Variants in MALRD1 observed in about 807,000 individuals in gnomAD.
MALRD1 encodes the protein MAM and LDL-receptor class A domain-containing protein 1.
MALRD1 carries 247 observed loss-of-function variants against 242.1 expected under a neutral mutation model. That is an observed-to-expected ratio of 1.02 (90% CI 0.92 to 1.13). The LOEUF (loss-of-function observed/expected upper bound fraction) is 1.13, where lower values mean the gene tolerates loss of function less well. MALRD1 is among the 50% of genes most tolerant of loss of function. MALRD1 has a pLI of 0.00. For missense variants in MALRD1, 2,989 were observed against 2,533.1 expected (o/e 1.18, Z -3.86); for synonymous variants, 995 against 866.6 (o/e 1.15, Z -2.60).
chr10:19,643,617 C>T (rs1196680167), intron 36 of MALRD1, among the ~76,000 whole-genome samples: 1 of 152,038 alleles, frequency 6.6e-6, no homozygotes, highest in Non-Finnish European at 1.5e-5. Flanking sequence ...CTGACTTGAG[C>T]CCCCATACTA....
intron 36 of MALRD1, among the ~76,000 whole-genome samples, chr10:19,616,909 A>T (rs1210497850): frequency 6.6e-6 from 1 of 151,958 alleles, no homozygotes; most frequent in Non-Finnish European, 1.5e-5. Flanking sequence ...TTATTTCTCA[A>T]CATGTCAACA....
intron 19 of MALRD1, among the ~76,000 whole-genome samples, chr10:19,278,195 T>TAA (rs144427605): frequency 4.0e-5 from 6 of 151,794 alleles, no homozygotes; most frequent in African/African-American, 1.2e-4. Flanking sequence ...GTATTTAAAA[T>TAA]AAAAAAAACA....
rs191362398 is a variant in MALRD1 at position 19,317,024 on chromosome 10, C to T, written c.3420-6925C>T. On this transcript the variant is annotated intron_variant, in intron 21 of 39. Coordinates refer to ENST00000454679, the MANE Select transcript of MALRD1 (RefSeq NM_001142308.3). ...CCTGTACCAAAATATCTCATGTGCC[C>T]GTAAAGATACACACACCTACTAGAT... 2.4e-4 allele frequency among the ~76,000 whole-genome samples: 36 copies of T among 150,728 alleles called. No homozygotes were observed. In the South Asian group the frequency reaches 3.6e-3, roughly 15 times the overall value.
At chr10:19,160,928 G>A (rs1160116214) in intron 12 of MALRD1, among the ~76,000 whole-genome samples, 3 of 149,148 alleles carry the variant, frequency 2.0e-5, no homozygotes, top group African/African-American at 7.4e-5. Context: ...TGGATTCATT[G>A]ATTTTTTGAA....
rs372845236 is a variant in MALRD1, at chr10:19,440,693, A to G, written c.4846-9614A>G. 2.4e-3 allele frequency among the ~76,000 whole-genome samples: 366 copies of G among 152,272 alleles called. 5 individuals carry two copies. The East Asian group carries it at 0.048, about 20-fold the overall frequency. ...TGGACTCATCCTTTTTTATCACTGC[A>G]TAGTATTCCATGGTGTATATGTGCC... is the stretch of plus-strand genomic sequence containing the variant. On this transcript the variant is annotated intron_variant, in intron 28 of 39. Coordinates refer to ENST00000454679, the MANE Select transcript of MALRD1 (RefSeq NM_001142308.3).
At position 19,345,420 on chromosome 10, in the gene MALRD1, C is replaced by T. The variant is rs1025502994; in HGVS notation, c.3902-2351C>T. ...ATTTTATAGTTCTTAACTAAGACAG[C>T]GGTTCATATTCTAAACTAGATGCTG... On this transcript the variant is annotated intron_variant, in intron 24 of 39. Coordinates refer to ENST00000454679, the MANE Select transcript of MALRD1 (RefSeq NM_001142308.3). Among the ~76,000 whole-genome samples the T allele has an allele frequency of 6.6e-5, 10 of 152,120 alleles. No individual in the cohort carries two copies. The East Asian group carries it at 1.2e-3, about 18-fold the overall frequency.
At chr10:19,371,192 G>T (rs1845359878) in intron 26 of MALRD1, among the ~76,000 whole-genome samples, 1 of 151,764 alleles carries the variant, frequency 6.6e-6, no homozygotes, top group Admixed American at 6.6e-5. Flanking sequence ...GAGGCTGCAG[G>T]GAGCTATGAT....
intron 1 of MALRD1, among the ~76,000 whole-genome samples, chr10:19,065,760 G>C (rs1834960246): frequency 6.6e-6 from 1 of 152,172 alleles, no homozygotes; most frequent in African/African-American, 2.4e-5. Context: ...GGATCACCCA[G>C]AGAAAGAGTC....
chr10:19,308,794 T>C (rs773030082), intron 21 of MALRD1, among the ~76,000 whole-genome samples: 20 of 151,518 alleles, frequency 1.3e-4, no homozygotes, highest in African/African-American at 3.9e-4. Context: ...AGTCCAGTGT[T>C]TGGAACAAAA....
intron 11 of MALRD1, among the ~76,000 whole-genome samples, chr10:19,149,701 A>G (rs1833870522): frequency 6.6e-6 from 1 of 152,184 alleles, no homozygotes; most frequent in African/African-American, 2.4e-5. Context: ...AGTATTGGTT[A>G]AATGTAAAAT....
intron 36 of MALRD1, among the ~76,000 whole-genome samples, chr10:19,657,757 A>G (rs988169162): frequency 3.9e-5 from 6 of 152,160 alleles, no homozygotes; most frequent in African/African-American, 7.2e-5. Flanking sequence ...CTATAGCCTC[A>G]CAGGGTTTTT....
At chr10:19,289,853 A>T (rs1255547917) in intron 21 of MALRD1, among the ~76,000 whole-genome samples, 1 of 152,192 alleles carries the variant, frequency 6.6e-6, no homozygotes. Flanking sequence ...AGTTTTAAAA[A>T]TTGGAAGGCT....
chr10:19,162,303 C>CTT (rs1418951978), intron 12 of MALRD1, among the ~76,000 whole-genome samples: 1 of 152,066 alleles, frequency 6.6e-6, no homozygotes, highest in East Asian at 1.9e-4. Context: ...CTCTCTCTCT[C>CTT]TCTGTTACTT....
chr10:19,436,736 C>T (rs10827414), intron 28 of MALRD1, among the ~76,000 whole-genome samples: 10,098 of 152,214 alleles, frequency 0.066, 392 homozygotes, highest in Middle Eastern at 0.092. Flanking sequence ...TCAGATTCTG[C>T]ATTTCTTCCT....
chr10:19,530,421 AAATATAT>A (rs1285830239), intron 31 of MALRD1, among the ~76,000 whole-genome samples: 13 of 19,516 alleles, frequency 6.7e-4, no homozygotes, highest in African/African-American at 1.9e-3. Context: ...ATATAATAAT[AAATATAT>A]AATATATATA....
At chr10:19,147,614 A>G (rs1253344017) in intron 11 of MALRD1, among the ~76,000 whole-genome samples, 1 of 152,204 alleles carries the variant, frequency 6.6e-6, no homozygotes, top group Non-Finnish European at 1.5e-5. Context: ...CATAGACGAT[A>G]CCTGGATGCA....
intron 26 of MALRD1, among the ~76,000 whole-genome samples, chr10:19,384,345 T>C (rs1267981923): frequency 2.4e-5 from 3 of 125,714 alleles, no homozygotes; most frequent in Non-Finnish European, 4.8e-5. Flanking sequence ...ATATAATTAC[T>C]ATATAATATA....
chr10:19,459,955 C>G (rs1930508), intron 29 of MALRD1, among the ~76,000 whole-genome samples: 123,811 of 151,878 alleles, frequency 0.82, 50,658 homozygotes, highest in East Asian at 1. Flanking sequence ...AACTGTAAAT[C>G]TGAATGTTAA....
chr10:19,188,690 T>A (rs1835842929), intron 14 of MALRD1, among the ~76,000 whole-genome samples: 1 of 152,204 alleles, frequency 6.6e-6, no homozygotes, highest in Non-Finnish European at 1.5e-5. Flanking sequence ...ACAGCTCAGC[T>A]GTTATTGTCA....
Sources: allele counts gnomAD v4.1 joint callset (sites outside exome capture counted in the v4.1 genomes callset), GRCh38; gene constraint gnomAD v4.1.1; transcripts MANE v1.5; gene names NCBI Gene and HGNC (gene_info 2026-07-23, HGNC 2026-07-21).